MED23: variants seen among roughly 807,000 people sequenced by gnomAD.
The protein encoded by MED23 is mediator of RNA polymerase II transcription subunit 23.
MED23 carries 105 observed loss-of-function variants against 163.9 expected under a neutral mutation model. The observed-to-expected ratio is 0.64, with a 90% CI of 0.55 to 0.75. MED23 has a LOEUF of 0.75. Ranked by LOEUF, MED23 falls within the 30% of genes least tolerant of loss-of-function variation. MED23 has a pLI of 0.00. For missense variants in MED23, 1,054 were observed against 1,649.0 expected (o/e 0.64, Z 6.25); for synonymous variants, 561 against 565.6 (o/e 0.99, Z 0.12).
At chr6:131,615,321 T>C in intron 10 of MED23, 2 of 1,611,238 alleles carry the variant, frequency 1.2e-6, no homozygotes, top group East Asian at 2.2e-5. Context: ...GTTGTGAACA[T>C]ACCTGAGCAA....
At chr6:131,616,262 A>C (rs1776682605) in intron 9 of MED23, among the ~76,000 whole-genome samples, 1 of 152,146 alleles carries the variant, frequency 6.6e-6, no homozygotes, top group Non-Finnish European at 1.5e-5. Context: ...CACTAGCACC[A>C]GACCTTCCAA....
rs1418987136 is a variant in MED23, at chr6:131,624,878, G to C, written c.271C>G (p.Leu91Val). 1 of 1,613,838 alleles carries C rather than the reference G, an allele frequency of 6.2e-7. No homozygotes were observed. Among genetic ancestry groups the C allele is most frequent in the Non-Finnish European group, 8.5e-7 (1 of 1,179,982 alleles). ...CATTAAACGTACCTGGGTGGAAGGA[G>C]ACCAGTCTCAACTGCCATTGCTAAG... The part of the protein sequence containing the change: ...DCLAMAVETG[L>V]LPPRLVCESL... Residue 91 changes from leucine (L) to valine (V), a missense_variant, in exon 4 of 29, where the codon CTC becomes GTC. Around this residue, in one of 11 missense-constraint regions of MED23, gnomAD observed 227 missense variants for 235.5 expected, o/e 0.96. Transcript: ENST00000368068.
chr6:131,607,659 T>C (rs1318540130), intron 12 of MED23, among the ~76,000 whole-genome samples: 4 of 152,150 alleles, frequency 2.6e-5, no homozygotes, highest in East Asian at 1.9e-4. Context: ...CCAGGGGACA[T>C]ACTGAGGCTC....
chr6:131,576,049 T>C (rs1382312004), intron 30 of MED23, among the ~76,000 whole-genome samples: 1 of 152,208 alleles, frequency 6.6e-6, no homozygotes, highest in African/African-American at 2.4e-5. Context: ...GCAGAGTTTC[T>C]CCATCACTCT....
At chr6:131,575,971 G>A (rs977658678) in intron 30 of MED23, among the ~76,000 whole-genome samples, 1 of 152,170 alleles carries the variant, frequency 6.6e-6, no homozygotes, top group African/African-American at 2.4e-5. Flanking sequence ...ACTTATGTGA[G>A]TACATGCACG....
At chr6:131,615,812 T>C in intron 10 of MED23, 95 bp downstream of exon 10, 2 of 858,796 alleles carry the variant, frequency 2.3e-6, no homozygotes, top group Admixed American at 1.9e-5. Flanking sequence ...AAATAGTTCT[T>C]AACTGTTTTG....
At chr6:131,594,367 TTAACTGGTTACTAA>T in intron 22 of MED23, 32 bp from the exon 23 acceptor site, 1 of 1,483,826 alleles carries the variant, frequency 6.7e-7, no homozygotes, top group South Asian at 1.1e-5. Flanking sequence ...ACCACAATGT[TTAACTGGTTACTAA>T]TAACTGTGAA....
At chr6:131,601,859 C>A (rs562434073) in intron 17 of MED23, among the ~76,000 whole-genome samples, 44 of 146,132 alleles carry the variant, frequency 3.0e-4, no homozygotes, top group African/African-American at 1.1e-3. Flanking sequence ...TTTTAAACTT[C>A]TTAATTTTAA....
At chr6:131,583,039 A>G, downstream of MED23, 1 of 1,543,672 alleles carries the variant, frequency 6.5e-7, no homozygotes, top group Non-Finnish European at 8.9e-7. Flanking sequence ...AATTATAATT[A>G]TCTTAATTTC....
At chr6:131,586,126 T>G (rs1425143740), downstream of MED23, among the ~76,000 whole-genome samples, 1 of 152,240 alleles carries the variant, frequency 6.6e-6, no homozygotes, top group African/African-American at 2.4e-5. Flanking sequence ...CCGGGCACAG[T>G]GGCTCACGCC....
chr6:131,598,813 G>A lies in MED23; in HGVS notation c.2221-52C>T. 6.5e-7 allele frequency: 1 copy of A among 1,536,816 alleles called. No individual in the cohort carries two copies. Among genetic ancestry groups the A allele is most frequent in the South Asian group, 1.1e-5 (1 of 89,252 alleles). On this transcript the variant is annotated intron_variant, in intron 18 of 28. Coordinates refer to ENST00000368068, the MANE Select transcript of MED23 (RefSeq NM_004830.4). This position sits in a 1 kb window ranked among gnomAD's most constrained non-coding sequence, Gnocchi z 4.7. ...CATTGGTTATAGTAGAAAGAGCACT[G>A]GATATGGAGTTAATAAACCAGTTCT...
intron 10 of MED23, chr6:131,615,423 T>C: frequency 1.4e-5 from 19 of 1,397,208 alleles, no homozygotes; most frequent in Non-Finnish European, 1.8e-5. Flanking sequence ...AAACAGTGAC[T>C]ATGAGGCCAG....
Position 131,628,166 on chromosome 6 carries a change from G to A in MED23, c.-117C>T. 8.3e-7 allele frequency: 1 copy of A among 1,201,048 alleles called. No individual in the cohort carries two copies. 74.4% of individuals were successfully genotyped at this position (1,201,048 alleles called of 1,614,324 possible). ...CTGGAGGAAACCGTAGCTCCTCGGC[G>A]TCGCTTCCTCCCCCAGCGCTTTACC... On this transcript the variant is annotated 5_prime_UTR_variant, in exon 1 of 29. The change creates a new upstream start codon in the 5' untranslated region. Coordinates refer to ENST00000368068, the MANE Select transcript of MED23 (RefSeq NM_004830.4).
chr6:131,596,724 T>G (rs1350485453), intron 20 of MED23, 36 bp from the exon 21 acceptor site: 1 of 1,599,394 alleles, frequency 6.3e-7, no homozygotes, highest in African/African-American at 1.3e-5. Flanking sequence ...ATGAAAATGT[T>G]CAACCTGTGT....
downstream of MED23, chr6:131,583,434 G>A (rs182650447): frequency 4.5e-5 from 73 of 1,614,088 alleles, no homozygotes; most frequent in Non-Finnish European, 5.8e-5. Flanking sequence ...CACACCAGTC[G>A]TGGGAGGTCT....
At chr6:131,575,572 G>C (rs1479974115) in intron 30 of MED23, among the ~76,000 whole-genome samples, 3 of 152,174 alleles carry the variant, frequency 2.0e-5, no homozygotes, top group Non-Finnish European at 4.4e-5. Context: ...CAAGTCTTCT[G>C]TTCCTTTGAA....
At chr6:131,612,978 G>T (rs1411342393) in intron 10 of MED23, among the ~76,000 whole-genome samples, 1 of 152,068 alleles carries the variant, frequency 6.6e-6, no homozygotes, top group Non-Finnish European at 1.5e-5. Flanking sequence ...TTATTTCAGT[G>T]ATGTAAATAA....
In MED23 at chr6:131,581,297, TATC is replaced by T; in HGVS notation, c.4095+6409_4095+6411del. On this transcript the variant is annotated intron_variant, in intron 30 of 30. Coordinates refer to the MED23 transcript ENST00000354577. ...TCATCTGGGTGGATGCTCACACTGA[TATC>T]AACACTCCACTGACAACCACAAGTG... The T allele has an allele frequency of 6.2e-7, 1 of 1,613,892 alleles. No individual in the cohort carries two copies. The highest frequency in any genetic ancestry group is 8.5e-7 in the Non-Finnish European group (1 of 1,179,854).
At position 131,574,056 on chromosome 6, in the gene MED23, T is replaced by G; in HGVS notation, c.*237A>C. On this transcript the variant is annotated 3_prime_UTR_variant, in exon 31 of 31. Transcript: ENST00000354577. ...GTGAATCCACACATGCCAGCAACAT[T>G]GAATACACTTTTTTTTCTGCCTGGG... 4 of 580,070 alleles carry G rather than the reference T, an allele frequency of 6.9e-6. No individual in the cohort carries two copies. The South Asian group carries it at 8.7e-5, about 13-fold the overall frequency. The allele number at this position is 580,070 out of a possible 1,614,324, so 35.9% of individuals were successfully genotyped here.
Sources: gnomAD v4.1 joint callset for allele counts (sites outside exome capture counted in the v4.1 genomes callset) on GRCh38, gnomAD v4.1.1 for gene constraint, gnomAD v4.1.1 regional missense constraint, Gnocchi (gnomAD v3.1) non-coding constraint, MANE v1.5 for transcripts, NCBI Gene and HGNC (gene_info 2026-07-23, HGNC 2026-07-21) for gene names.